The following FBN1 variants were observed in gnomAD, a reference collection of about 807,000 sequenced individuals.
FBN1 encodes fibrillin-1.
In FBN1, 29 loss-of-function variants were observed where a neutral mutation model predicts 365.1. That is an observed-to-expected ratio of 0.08 (90% CI 0.06 to 0.11). The LOEUF (loss-of-function observed/expected upper bound fraction) is 0.11, where lower values mean the gene tolerates loss of function less well. FBN1 is among the 10% of genes least tolerant of loss of function. FBN1 has a pLI of 1.00. For missense variants in FBN1, 2,476 were observed against 3,703.2 expected, an observed-to-expected ratio of 0.67 and a Z score of 8.60; for synonymous variants, 1,210 against 1,270.5, an observed-to-expected ratio of 0.95 and a Z score of 1.01.
At chr15:48,504,461 T>C (rs1301578181) in intron 16 of FBN1, among the ~76,000 whole-genome samples, 1 of 152,220 alleles carries the variant, frequency 6.6e-6, no homozygotes, top group African/African-American at 2.4e-5. Context: ...AACTAAGCTG[T>C]GTTATCTTTA....
At chr15:48,419,144 T>C (rs190430898) in intron 63 of FBN1, among the ~76,000 whole-genome samples, 40 of 152,298 alleles carry the variant, frequency 2.6e-4, no homozygotes, top group Admixed American at 1.2e-3. Flanking sequence ...ATTCTCAAGA[T>C]TGATGAGAGC....
chr15:48,553,893 G>A (rs952700850), intron 6 of FBN1, among the ~76,000 whole-genome samples: 7 of 152,180 alleles, frequency 4.6e-5, no homozygotes, highest in Non-Finnish European at 7.4e-5. Flanking sequence ...AAAAGAAAAT[G>A]AGCATTTATG....
Position 48,448,908 on chromosome 15 carries a change from C to T in FBN1, c.5546-15G>A. The stretch of plus-strand genomic sequence containing the variant: ...TTCATTACGATCTGTAAATAAGAAG[C>T]ATCTTAAGTGAGAACTTAGAAGACA... On this transcript the variant is annotated splice_polypyrimidine_tract_variant and intron_variant, in intron 45 of 65. Coordinates refer to ENST00000316623, the MANE Select transcript of FBN1 (RefSeq NM_000138.5). 6.2e-7 allele frequency: 1 copy of T among 1,605,692 alleles called. No homozygotes were observed. The highest frequency in any genetic ancestry group is 8.5e-7 in the Non-Finnish European group (1 of 1,173,312).
chr15:48,483,821 C>T lies in FBN1; in HGVS notation c.3835G>A (p.Val1279Ile), dbSNP rs2141289564. The T allele has an allele frequency of 2.5e-6, 4 of 1,613,654 alleles. No homozygotes were observed. Residue 1279 changes from valine to isoleucine, a missense_variant, in exon 31 of 66, where the codon GTA becomes ATA. Physicochemically the swap from Val to Ile is conservative, Grantham distance 29. Transcript: ENST00000316623. ...AAATTCTGTCTTCTTTGCTTACCTA[C>T]ACAAGTCTTCATGTCTTCAGATGCC... ...FMASEDMKTC[V>I]DVNECDLNPN... is the part of the protein sequence containing the mutation.
intron 15 of FBN1, among the ~76,000 whole-genome samples, chr15:48,507,870 A>G (rs1424624747): frequency 1.3e-5 from 2 of 152,170 alleles, no homozygotes; most frequent in African/African-American, 4.8e-5. Context: ...TGATCCCTAC[A>G]TAAGACAGGA....
chr15:48,507,976 G>A (rs1323772883), intron 15 of FBN1, among the ~76,000 whole-genome samples: 1 of 151,704 alleles, frequency 6.6e-6, no homozygotes, highest in Non-Finnish European at 1.5e-5. Context: ...GATACCTGGG[G>A]CAATGAGATT....
At chr15:48,574,275 G>C (rs901783935) in intron 6 of FBN1, among the ~76,000 whole-genome samples, 4 of 152,208 alleles carry the variant, frequency 2.6e-5, no homozygotes, top group Admixed American at 1.3e-4. Flanking sequence ...TTTGGAAATA[G>C]AGAAGTGATT....
chr15:48,494,838 C>A (rs942016317), intron 22 of FBN1, among the ~76,000 whole-genome samples: 1 of 152,166 alleles, frequency 6.6e-6, no homozygotes, highest in African/African-American at 2.4e-5. Context: ...ATAAAAAGCT[C>A]AGAACCCCTA....
chr15:48,471,480 C>T (rs1056712829), intron 35 of FBN1, among the ~76,000 whole-genome samples: 10 of 152,102 alleles, frequency 6.6e-5, no homozygotes, highest in Admixed American at 2.6e-4. Flanking sequence ...ACCTGTTTTC[C>T]TTGGATATTT....
At position 48,467,921 on chromosome 15, in the gene FBN1, G is replaced by T; in HGVS notation, c.4747+17C>A. The T allele has an allele frequency of 6.2e-7, 1 of 1,607,226 alleles. No individual in the cohort carries two copies. On this transcript the variant is annotated intron_variant, in intron 38 of 65. Transcript: ENST00000316623. ...GCTGGAGTTGAAATAATAATAAATA[G>T]GAGGATGTCCACTTACATGTGTTCA...
At chr15:48,487,989 G>A in intron 27 of FBN1, 124 bp downstream of exon 27, 1 of 1,286,424 alleles carries the variant, frequency 7.8e-7, no homozygotes, top group Non-Finnish European at 1.1e-6. Context: ...CTCTGTTGCA[G>A]ACTGATTCCT....
intron 65 of FBN1, 133 bp from the exon 66 acceptor site, chr15:48,411,512 A>G: frequency 1.3e-6 from 1 of 793,764 alleles, no homozygotes. Flanking sequence ...TATTGAAAGC[A>G]TTTTGTTTAG....
At chr15:48,609,975 A>G (rs1300544129) in intron 4 of FBN1, among the ~76,000 whole-genome samples, 1 of 152,212 alleles carries the variant, frequency 6.6e-6, no homozygotes, top group Non-Finnish European at 1.5e-5. Flanking sequence ...TCAAAATAGG[A>G]CACACAATAA....
intron 17 of FBN1, among the ~76,000 whole-genome samples, chr15:48,500,662 A>T (rs2043646920): frequency 2.0e-5 from 3 of 152,220 alleles, no homozygotes; most frequent in Admixed American, 2.0e-4. Flanking sequence ...AGACAGTGAC[A>T]TGAGGGATCC....
chr15:48,449,179 A>T (rs2043181476), intron 45 of FBN1, among the ~76,000 whole-genome samples: 1 of 152,108 alleles, frequency 6.6e-6, no homozygotes, highest in South Asian at 2.1e-4. Flanking sequence ...AGCCGGGAGG[A>T]TTTTCTGTTT....
intron 59 of FBN1, 55 bp from the exon 60 acceptor site, chr15:48,425,546 T>C (rs980403989): frequency 6.2e-7 from 1 of 1,611,700 alleles, no homozygotes. Flanking sequence ...GTGTACACGC[T>C]CAATTTCCAC....
rs74014655 is a variant in FBN1 at position 48,631,687 on chromosome 15, A to C, written c.164+12919T>G. On this transcript the variant is annotated intron_variant, in intron 2 of 65. Coordinates refer to ENST00000316623, the MANE Select transcript of FBN1 (RefSeq NM_000138.5). ...ATCTGACATGAGCAATCTGGAAAAGAGGGCTTATCTCTTTACCTCTGAGAT... is the reference window on the plus strand; with the variant it reads ...ATCTGACATGAGCAATCTGGAAAAGCGGGCTTATCTCTTTACCTCTGAGAT... 9.9e-3 allele frequency among the ~76,000 whole-genome samples: 1,510 copies of C among 152,316 alleles called. 25 individuals are homozygous for C. Among genetic ancestry groups the C allele is most frequent in the African/African-American group, 0.035 (1,450 of 41,544 alleles).
chr15:48,527,142 T>G (rs763948737), intron 8 of FBN1, among the ~76,000 whole-genome samples: 6 of 152,296 alleles, frequency 3.9e-5, no homozygotes, highest in Non-Finnish European at 7.3e-5. Flanking sequence ...CTCTTCCTCT[T>G]CTCTTCTGCA....
chr15:48,422,004 G>A lies in FBN1; in HGVS notation c.7518C>T (p.Gly2506=), dbSNP rs377141738. The A allele has an allele frequency of 3.7e-6, 6 of 1,614,090 alleles. No individual in the cohort carries two copies. The highest frequency in any genetic ancestry group is 5.1e-6 in the Non-Finnish European group (6 of 1,179,966). The part of the protein sequence containing the change: ...CQFLCVNTIG[G]FTCKCPPGFT... ...ATCCGGGAGGACATTTGCATGTGAA[G>A]CCGCCAATGGTGTTAACACATAGGA... The change falls in exon 61 of 66, where the codon GGC becomes GGT. Residue 2506 remains glycine (G), a synonymous_variant. Transcript: ENST00000316623.
Sources: allele counts gnomAD v4.1 joint callset (sites outside exome capture counted in the v4.1 genomes callset), GRCh38; gene constraint gnomAD v4.1.1; transcripts MANE v1.5; gene names NCBI Gene and HGNC (gene_info 2026-07-23, HGNC 2026-07-21).